TAFA5: variants seen among roughly 807,000 people sequenced by gnomAD.
The protein encoded by TAFA5 is TAFA chemokine like family member 5.
Under a neutral mutation model 15.3 loss-of-function variants are expected in TAFA5, and 6 were observed. The observed-to-expected ratio is 0.39, with a 90% CI of 0.21 to 0.77. TAFA5 has a LOEUF of 0.77. TAFA5 is among the 30% of genes least tolerant of loss of function. The probability of loss-of-function intolerance (pLI) is 0.41; values close to 1 mark genes in which losing one functional copy is unlikely to be tolerated. For missense variants in TAFA5, 161 were observed against 193.1 expected (o/e 0.83, Z 0.98); for synonymous variants, 103 against 80.7 (o/e 1.28, Z -1.48).
chr22:48,724,170 A>G (rs1929650770), intron 3 of TAFA5, among the ~76,000 whole-genome samples: 2 of 151,988 alleles, frequency 1.3e-5, no homozygotes, highest in South Asian at 4.1e-4. Flanking sequence ...TGCAAGCAGG[A>G]GAGACTCGGG....
intron 2 of TAFA5, among the ~76,000 whole-genome samples, chr22:48,648,067 G>T (rs1231989776): frequency 1.3e-5 from 2 of 152,160 alleles, no homozygotes; most frequent in Admixed American, 6.5e-5. Flanking sequence ...CTGGCCAGTG[G>T]CCCCTCCAGT....
At chr22:48,634,684 ATCAC>A (rs892133261) in intron 1 of TAFA5, among the ~76,000 whole-genome samples, 14 of 148,392 alleles carry the variant, frequency 9.4e-5, no homozygotes, top group African/African-American at 1.5e-4. Context: ...CACTCAGTCA[ATCAC>A]TCAGTCAGTC....
chr22:48,504,963 C>G (rs1161658339), intron 1 of TAFA5, among the ~76,000 whole-genome samples: 1 of 152,168 alleles, frequency 6.6e-6, no homozygotes, highest in Non-Finnish European at 1.5e-5. Context: ...TATCCCTGCT[C>G]AGGCCCACTG....
At chr22:48,727,521 A>G (rs903356346) in intron 3 of TAFA5, among the ~76,000 whole-genome samples, 7 of 152,250 alleles carry the variant, frequency 4.6e-5, no homozygotes, top group African/African-American at 1.7e-4. Context: ...ACACTTGTGC[A>G]TGTATGTAAA....
intron 1 of TAFA5, among the ~76,000 whole-genome samples, chr22:48,584,894 T>C (rs1211538214): frequency 2.7e-5 from 3 of 112,016 alleles, no homozygotes; most frequent in Non-Finnish European, 5.6e-5. Context: ...ATTCACAAAA[T>C]ACATCTCACA....
chr22:48,627,027 C>G (rs1926046765), intron 1 of TAFA5, among the ~76,000 whole-genome samples: 1 of 152,200 alleles, frequency 6.6e-6, no homozygotes, highest in Admixed American at 6.5e-5. Flanking sequence ...GGGCCCCTTT[C>G]CTTCACTGTG....
chr22:48,611,371 T>A lies in TAFA5; in HGVS notation c.113-35226T>A, dbSNP rs1925404165. 2.0e-5 allele frequency among the ~76,000 whole-genome samples: 3 copies of A among 152,224 alleles called. No homozygotes were observed. In the South Asian group the frequency reaches 6.2e-4, roughly 32 times the overall value. Reference sequence around the variant, plus strand: ...TCGTACACCCAGATTATTCATTTTGTTATTTATTAGAACTCACTTATTCAG... The same window carrying A: ...TCGTACACCCAGATTATTCATTTTGATATTTATTAGAACTCACTTATTCAG... On this transcript the variant is annotated intron_variant, in intron 1 of 3. Transcript: ENST00000402357.
At chr22:48,654,135 G>C (rs967447408) in intron 2 of TAFA5, among the ~76,000 whole-genome samples, 1 of 152,098 alleles carries the variant, frequency 6.6e-6, no homozygotes, top group Admixed American at 6.5e-5. Flanking sequence ...GGAAGAGGGC[G>C]GTCACCTGGC....
At chr22:48,605,426 G>GTAATGGTGATGA (rs1925153982) in intron 1 of TAFA5, among the ~76,000 whole-genome samples, 48 of 41,518 alleles carry the variant, frequency 1.2e-3, no homozygotes, top group South Asian at 2.0e-3. Flanking sequence ...GAGGATGGTG[G>GTAATGGTGATGA]TGGTGGTGGT....
intron 2 of TAFA5, among the ~76,000 whole-genome samples, chr22:48,664,704 G>C (rs1041837936): frequency 6.6e-6 from 1 of 152,122 alleles, no homozygotes; most frequent in Non-Finnish European, 1.5e-5. Flanking sequence ...CAGGGAGTAG[G>C]CCTCATTTTT....
At chr22:48,697,880 A>G (rs963553334) in intron 2 of TAFA5, among the ~76,000 whole-genome samples, 6 of 149,946 alleles carry the variant, frequency 4.0e-5, no homozygotes, top group South Asian at 2.1e-4. Context: ...GGTGATGGTA[A>G]TAATTGTCAT....
chr22:48,705,525 T>A (rs1720264146), intron 2 of TAFA5, among the ~76,000 whole-genome samples: 1 of 152,222 alleles, frequency 6.6e-6, no homozygotes, highest in African/African-American at 2.4e-5. Flanking sequence ...GAGTGAGCTG[T>A]TCCCCAGGAC....
At chr22:48,547,734 A>G (rs1012246328) in intron 1 of TAFA5, among the ~76,000 whole-genome samples, 2 of 152,076 alleles carry the variant, frequency 1.3e-5, no homozygotes, top group African/African-American at 4.8e-5. Context: ...CGTGTTAGGA[A>G]TGTCCATCTC....
chr22:48,650,249 C>T (rs549531052), intron 2 of TAFA5, among the ~76,000 whole-genome samples: 5 of 152,306 alleles, frequency 3.3e-5, no homozygotes, highest in Non-Finnish European at 4.4e-5. Flanking sequence ...TGACCACAGG[C>T]GCTCGGAATG....
intron 1 of TAFA5, among the ~76,000 whole-genome samples, chr22:48,605,456 GT>G (rs1925158120): frequency 6.9e-6 from 1 of 144,812 alleles, no homozygotes; most frequent in African/African-American, 2.6e-5. Context: ...GATGGCAATG[GT>G]GATGGTAATG....
intron 2 of TAFA5, among the ~76,000 whole-genome samples, chr22:48,685,541 A>G (rs1250272714): frequency 6.6e-6 from 1 of 152,110 alleles, no homozygotes; most frequent in African/African-American, 2.4e-5. Context: ...ATTGCCACAA[A>G]TTATCCATGT....
chr22:48,588,909 C>T (rs1031939081), intron 1 of TAFA5, among the ~76,000 whole-genome samples: 1 of 152,204 alleles, frequency 6.6e-6, no homozygotes, highest in Non-Finnish European at 1.5e-5. Context: ...TTACAATACA[C>T]ACTCTTCAAA....
At chr22:48,639,138 C>T (rs1316686130) in intron 1 of TAFA5, among the ~76,000 whole-genome samples, 1 of 152,220 alleles carries the variant, frequency 6.6e-6, no homozygotes, top group Non-Finnish European at 1.5e-5. Flanking sequence ...CCACCCGTCA[C>T]TTGGACACAG....
At chr22:48,589,740 T>C (rs1432323459) in intron 1 of TAFA5, among the ~76,000 whole-genome samples, 1 of 152,058 alleles carries the variant, frequency 6.6e-6, no homozygotes, top group Non-Finnish European at 1.5e-5. Flanking sequence ...TCTGGAGTGA[T>C]GTGGCCACAC....
Sources: gnomAD v4.1 joint callset for allele counts (sites outside exome capture counted in the v4.1 genomes callset) on GRCh38, gnomAD v4.1.1 for gene constraint, MANE v1.5 for transcripts, NCBI Gene and HGNC (gene_info 2026-07-23, HGNC 2026-07-21) for gene names.